The following NPC1 variants were observed in gnomAD, a reference collection of about 807,000 sequenced individuals.
NPC1 encodes the protein NPC intracellular cholesterol transporter 1.
In NPC1, 85 loss-of-function variants were observed where a neutral mutation model predicts 140.4. The ratio of observed to expected loss-of-function variants is 0.61; its 90% confidence interval spans 0.51 to 0.72. The LOEUF (loss-of-function observed/expected upper bound fraction) is 0.72. Among genes scored for constraint, NPC1 ranks in the 30% least tolerant of loss-of-function variants. The pLI, the probability that NPC1 is intolerant of heterozygous loss-of-function variation, is 0.00. For missense variants in NPC1, 1,504 were observed against 1,623.8 expected (o/e 0.93, Z 1.27); for synonymous variants, 656 against 624.8 (o/e 1.05, Z -0.74).
downstream of NPC1, chr18:23,519,306 C>A: frequency 5.4e-6 from 4 of 741,628 alleles, no homozygotes; most frequent in South Asian, 6.7e-5. Context: ...TTGCTTGAGC[C>A]CAGGAGTTCG....
At chr18:23,580,363 T>C (rs1271080853) in intron 1 of NPC1, among the ~76,000 whole-genome samples, 2 of 152,200 alleles carry the variant, frequency 1.3e-5, no homozygotes, top group African/African-American at 4.8e-5. Flanking sequence ...TCCTCAGAAT[T>C]GGAGAATGCA....
chr18:23,563,800 C>G (rs957578956), intron 4 of NPC1, among the ~76,000 whole-genome samples: 3 of 152,066 alleles, frequency 2.0e-5, no homozygotes, highest in Non-Finnish European at 4.4e-5. Flanking sequence ...TTGATTCTAG[C>G]CATCCTGGTG....
intron 3 of NPC1, 46 bp from the exon 4 acceptor site, chr18:23,569,044 G>C (rs778943427): frequency 1.5e-6 from 2 of 1,341,224 alleles, no homozygotes; most frequent in South Asian, 1.2e-5. Flanking sequence ...ACACATAATA[G>C]GGCCAGCAAG....
chr18:23,583,003 G>A (rs543879513), intron 1 of NPC1, among the ~76,000 whole-genome samples: 1 of 151,672 alleles, frequency 6.6e-6, no homozygotes, highest in Non-Finnish European at 1.5e-5. Context: ...CAGCTACGTG[G>A]GAGGCTGAGG....
At chr18:23,533,610 G>T in intron 23 of NPC1, 93 bp from the exon 24 acceptor site, 1 of 1,247,712 alleles carries the variant, frequency 8.0e-7, no homozygotes, top group Non-Finnish European at 1.2e-6. Context: ...AGGTTCAAGT[G>T]ATTCTCCTGC....
intron 4 of NPC1, 54 bp from the exon 5 acceptor site, chr18:23,561,581 G>C: frequency 6.3e-7 from 1 of 1,581,046 alleles, no homozygotes; most frequent in Non-Finnish European, 8.7e-7. Context: ...TGTAATTCAC[G>C]AGGCAAGATC....
In NPC1 at chr18:23,540,190, A is replaced by G. The variant is rs578094371; in HGVS notation, c.2605-189T>C. Reference sequence around the variant, plus strand: ...GGGTGCTCCTCCTGCTAGCCCCACAATCAGGAGAGCATCTCATAAAGTAAC... The same window carrying G: ...GGGTGCTCCTCCTGCTAGCCCCACAGTCAGGAGAGCATCTCATAAAGTAAC... On this transcript the variant is annotated intron_variant, in intron 17 of 24. Transcript: ENST00000269228. Among the ~76,000 whole-genome samples, 426 of 152,218 alleles carry G rather than the reference A, an allele frequency of 2.8e-3. 3 individuals carry two copies. Among genetic ancestry groups the G allele is most frequent in the African/African-American group, 9.8e-3 (408 of 41,548 alleles).
chr18:23,566,225 T>C (rs1027491651), intron 4 of NPC1, among the ~76,000 whole-genome samples: 2 of 151,976 alleles, frequency 1.3e-5, no homozygotes, highest in Admixed American at 6.6e-5. Context: ...ACCCTATCTC[T>C]ACAAAAAAAA....
chr18:23,573,679 G>A lies in NPC1; in HGVS notation c.58-105C>T, dbSNP rs148442560. 2.3e-3 allele frequency: 3,025 copies of A among 1,329,974 alleles called. 12 individuals are homozygous for A. The highest frequency in any genetic ancestry group is 1.6e-3 in the Non-Finnish European group (1,513 of 924,664). The allele number at this position is 1,329,974 out of a possible 1,614,324, so 82.4% of individuals were successfully genotyped here. ...ATCACAGAAACTTCCAATGCTACCT[G>A]CAAAATTAAGTAACAGCAACAGGCA... On this transcript the variant is annotated intron_variant, in intron 1 of 24. Coordinates refer to ENST00000269228, the MANE Select transcript of NPC1 (RefSeq NM_000271.5).
intron 9 of NPC1, among the ~76,000 whole-genome samples, chr18:23,553,053 G>A (rs971401143): frequency 8.5e-5 from 13 of 152,330 alleles, no homozygotes; most frequent in Non-Finnish European, 1.5e-4. Context: ...AGGGGACAGC[G>A]CTAGGGCGAG....
At chr18:23,549,742 C>CTTTTTTTTTTT (rs1000073339) in intron 10 of NPC1, among the ~76,000 whole-genome samples, 1 of 138,002 alleles carries the variant, frequency 7.2e-6, no homozygotes, top group African/African-American at 2.7e-5. Flanking sequence ...TTTTTCACAA[C>CTTTTTTTTTTT]TTTTTTTTTT....
intron 1 of NPC1, chr18:23,524,233 G>A: frequency 6.3e-7 from 1 of 1,597,702 alleles, no homozygotes; most frequent in Non-Finnish European, 8.6e-7. Context: ...CCCTCAGAGA[G>A]TGGTCCTGAA....
chr18:23,524,302 T>C, downstream of NPC1: 1 of 1,491,796 alleles, frequency 6.7e-7, no homozygotes, highest in Admixed American at 1.7e-5. Context: ...GCAGCTTCCC[T>C]GACTGTCCAG....
chr18:23,536,616 C>G (rs1598939192), intron 21 of NPC1, 57 bp downstream of exon 21: 4 of 1,495,664 alleles, frequency 2.7e-6, no homozygotes, highest in Non-Finnish European at 3.7e-6. Flanking sequence ...CCTCCCCACT[C>G]CCACCCAGTG....
chr18:23,583,266 A>G (rs1358000941), intron 1 of NPC1, among the ~76,000 whole-genome samples: 2 of 152,134 alleles, frequency 1.3e-5, no homozygotes, highest in Non-Finnish European at 2.9e-5. Context: ...AGTTAATCCA[A>G]TTTTACAGAG....
downstream of NPC1, chr18:23,524,537 T>A (rs376993094): frequency 5.1e-6 from 8 of 1,577,286 alleles, no homozygotes; most frequent in African/African-American, 9.4e-5. Flanking sequence ...TGACTTTGGA[T>A]CCCAGTTGTA....
chr18:23,508,125 C>T, intron 3 of NPC1: 2 of 1,233,088 alleles, frequency 1.6e-6, no homozygotes, highest in Non-Finnish European at 2.2e-6. Flanking sequence ...ATTGGGGTCG[C>T]AGGGAGCACA....
chr18:23,538,406 TCCA>T, intron 20 of NPC1, 133 bp downstream of exon 20: 2 of 1,101,676 alleles, frequency 1.8e-6, no homozygotes, highest in Admixed American at 1.7e-5. Context: ...TTTTCCTGCT[TCCA>T]CCAAAGGACC....
In NPC1 at chr18:23,556,277, A is replaced by G; in HGVS notation, c.1292T>C (p.Phe431Ser). The change falls in exon 8 of 25, where the codon TTT (phenylalanine) becomes TCT (serine). Residue 431 changes from phenylalanine to serine, a missense_variant. Physicochemically the swap from Phe to Ser is radical, Grantham distance 155. Transcript: ENST00000269228. ...TATCTGTATGTCAAGCGGAGGTCCA[A>G]AGGGTACATCAGCTCCCGAAGGGTA... ...QPYPSGADVPFGPPLDIQILH... is the reference protein window; with the variant it reads ...QPYPSGADVPSGPPLDIQILH... The G allele has an allele frequency of 6.2e-7, 1 of 1,614,174 alleles. No individual in the cohort carries two copies. Among genetic ancestry groups the G allele is most frequent in the Non-Finnish European group, 8.5e-7 (1 of 1,180,034 alleles).
Sources: gnomAD v4.1 joint callset for allele counts (sites outside exome capture counted in the v4.1 genomes callset) on GRCh38, gnomAD v4.1.1 for gene constraint, MANE v1.5 for transcripts, NCBI Gene and HGNC (gene_info 2026-07-23, HGNC 2026-07-21) for gene names.